Variants in LPA observed in about 807,000 individuals in gnomAD.
LPA encodes the protein apolipoprotein(a).
Under a neutral mutation model 197.9 loss-of-function variants are expected in LPA, and 199 were observed. That is an observed-to-expected ratio of 1.01 (90% CI 0.90 to 1.13). LPA has a LOEUF of 1.13. LPA is among the 50% of genes most tolerant of loss of function. The pLI is 0.00. For missense variants in LPA, 1,853 were observed against 1,785.8 expected (o/e 1.04, Z -0.68); for synonymous variants, 715 against 639.5 (o/e 1.12, Z -1.78).
intron 28 of LPA, among the ~76,000 whole-genome samples, chr6:160,566,493 A>C (rs1163056669): frequency 1.3e-5 from 2 of 152,232 alleles, no homozygotes; most frequent in South Asian, 2.1e-4. Context: ...TGAAGGAAGC[A>C]CTAAACATGG....
intron 4 of LPA, among the ~76,000 whole-genome samples, chr6:160,641,152 C>A (rs1481623249): frequency 9.1e-5 from 11 of 120,912 alleles, no homozygotes; most frequent in Non-Finnish European, 1.6e-4. Flanking sequence ...TCTCCTTCTG[C>A]CTTCTGCCCA....
intron 1 of LPA, among the ~76,000 whole-genome samples, chr6:160,654,016 A>ATAT (rs1468475165): frequency 4.6e-3 from 19 of 4,112 alleles, no homozygotes; most frequent in Admixed American, 9.6e-3. Flanking sequence ...TATATATTAT[A>ATAT]TATAATATAT....
intron 38 of LPA, 109 bp downstream of exon 38, chr6:160,532,422 G>T (rs1562312056): frequency 6.0e-6 from 5 of 828,038 alleles, no homozygotes; most frequent in East Asian, 2.4e-5. Context: ...TTAGACTGGG[G>T]TCTTCCACTG....
At chr6:160,606,851 A>T (rs1779365291) in intron 16 of LPA, among the ~76,000 whole-genome samples, 193 bp from the exon 17 acceptor site, 1 of 152,172 alleles carries the variant, frequency 6.6e-6, no homozygotes, top group Admixed American at 6.5e-5. Flanking sequence ...CATACTTAAA[A>T]GATTATTATT....
chr6:160,590,900 T>C, intron 23 of LPA, 44 bp downstream of exon 23: 1 of 1,613,354 alleles, frequency 6.2e-7, no homozygotes, highest in Admixed American at 1.7e-5. Flanking sequence ...ACTCTTTTTA[T>C]CCCAACGTCC....
intron 2 of LPA, among the ~76,000 whole-genome samples, chr6:160,649,659 G>A (rs1192201907): frequency 1.3e-5 from 2 of 152,104 alleles, no homozygotes; most frequent in African/African-American, 4.8e-5. Context: ...ACCATCTATT[G>A]TCCAACAAGC....
intron 4 of LPA, among the ~76,000 whole-genome samples, chr6:160,641,072 C>A (rs1482194878): frequency 1.4e-5 from 2 of 139,198 alleles, no homozygotes; most frequent in Non-Finnish European, 3.1e-5. Flanking sequence ...AATAAAAAAT[C>A]TAAAGTAGCA....
Position 160,599,428 on chromosome 6 carries a change from T to C in LPA, c.3287+72A>G, listed in dbSNP as rs535272045. ...CCAAGTTGAGTCCTGAGCAGTCACC[T>C]TGAAGCATGACTCTTCTAACAGAAA... On this transcript the variant is annotated intron_variant, in intron 20 of 38. Transcript: ENST00000316300. 40 of 1,596,372 alleles carry C rather than the reference T, an allele frequency of 2.5e-5. No individual in the cohort carries two copies. The African/African-American group carries it at 4.4e-4, about 18-fold the overall frequency.
intron 36 of LPA, among the ~76,000 whole-genome samples, chr6:160,539,677 G>A (rs1042259614): frequency 1.3e-5 from 2 of 152,028 alleles, no homozygotes; most frequent in Admixed American, 6.6e-5. Flanking sequence ...TTTTTCAAGC[G>A]CTTTGAAATG....
Position 160,634,973 on chromosome 6 carries a change from G to C in LPA, c.1075+150C>G, listed in dbSNP as rs1273927857. 1.2e-5 allele frequency: 18 copies of C among 1,496,512 alleles called. 1 individual carries two copies. Among genetic ancestry groups the C allele is most frequent in the Non-Finnish European group, 1.6e-5 (17 of 1,087,816 alleles). 92.7% of individuals were successfully genotyped at this position (1,496,512 alleles called of 1,614,324 possible). ...AGAAATCACTCCGCTGGCTCCCCCAGAGAGTACACGGAGGCTTCCCCCAAC... is the reference window on the plus strand; with the variant it reads ...AGAAATCACTCCGCTGGCTCCCCCACAGAGTACACGGAGGCTTCCCCCAAC... On this transcript the variant is annotated intron_variant, in intron 7 of 38. Coordinates refer to ENST00000316300, the MANE Select transcript of LPA (RefSeq NM_005577.4).
intron 24 of LPA, 119 bp downstream of exon 24, chr6:160,589,434 T>A: frequency 8.4e-7 from 1 of 1,192,194 alleles, no homozygotes; most frequent in Non-Finnish European, 1.2e-6. Context: ...TGAGACATTC[T>A]GTCCAACATT....
At chr6:160,540,214 T>C (rs1253279164) in intron 35 of LPA, 31 bp from the exon 36 acceptor site, 10 of 1,613,890 alleles carry the variant, frequency 6.2e-6, no homozygotes, top group Non-Finnish European at 8.5e-6. Flanking sequence ...AAGAGAAAAA[T>C]ATGGTCCAGC....
intron 37 of LPA, among the ~76,000 whole-genome samples, chr6:160,535,995 G>T (rs970625467): frequency 2.0e-5 from 3 of 152,146 alleles, no homozygotes; most frequent in African/African-American, 7.2e-5. Flanking sequence ...TGCCCCTTAT[G>T]GGTATTAGTG....
In LPA at chr6:160,600,987, A is replaced by C. The variant is rs757662668; in HGVS notation, c.3057T>G (p.Asp1019Glu). 1.9e-6 allele frequency: 3 copies of C among 1,613,968 alleles called. No homozygotes were observed. The highest frequency in any genetic ancestry group is 3.3e-5 in the Admixed American group (2 of 60,012). ...WEYCNLTRCS[D>E]AEWTAFVPPN... ...GAGGGACGAAGGCAGTCCATTCTGC[A>C]TCTGAGCATCGTGTCAGGTTGCAGT... The change falls in exon 19 of 39, where the codon GAT (aspartate) becomes GAG (glutamate). Residue 1019 changes from aspartate (D) to glutamate (E), a missense_variant. By Grantham distance (45) the Asp-to-Glu change is conservative. This residue lies in a region of LPA where 1,737 missense variants were observed against 1,504.4 expected (regional missense o/e 1.15). Transcript: ENST00000316300.
intron 38 of LPA, among the ~76,000 whole-genome samples, 194 bp from the exon 39 acceptor site, chr6:160,532,084 GT>G (rs903737811): frequency 1.3e-5 from 2 of 152,072 alleles, no homozygotes; most frequent in African/African-American, 4.8e-5. Context: ...ACATCACTTA[GT>G]TTTTTCCTGG....
At chr6:160,593,858 T>G in intron 22 of LPA, 100 bp downstream of exon 22, 19 of 1,416,986 alleles carry the variant, frequency 1.3e-5, no homozygotes, top group Non-Finnish European at 1.6e-5. Flanking sequence ...ATTCCAGATC[T>G]GAGATAAATT....
At chr6:160,559,729 T>C (rs1470082591) in intron 28 of LPA, among the ~76,000 whole-genome samples, 1 of 152,214 alleles carries the variant, frequency 6.6e-6, no homozygotes, top group Non-Finnish European at 1.5e-5. Context: ...AGTCCTTATG[T>C]CTTAAATGAG....
At chr6:160,610,403 G>A (rs546356061) in intron 16 of LPA, among the ~76,000 whole-genome samples, 1 of 152,034 alleles carries the variant, frequency 6.6e-6, no homozygotes, top group Non-Finnish European at 1.5e-5. Context: ...GGCTGTTCTG[G>A]GGTCTCCACT....
chr6:160,556,928 A>G (rs1778274517), intron 29 of LPA, among the ~76,000 whole-genome samples: 1 of 152,168 alleles, frequency 6.6e-6, no homozygotes, highest in Non-Finnish European at 1.5e-5. Context: ...TGTGGTATTT[A>G]CTGCCAAATA....
Sources: gnomAD v4.1 joint callset for allele counts (sites outside exome capture counted in the v4.1 genomes callset) on GRCh38, gnomAD v4.1.1 for gene constraint, gnomAD v4.1.1 regional missense constraint, MANE v1.5 for transcripts, NCBI Gene and HGNC (gene_info 2026-07-23, HGNC 2026-07-21) for gene names.